Variants in NBEA observed in about 807,000 individuals in gnomAD.
The protein encoded by NBEA is lysosomal-trafficking regulator 2.
NBEA carries 44 observed loss-of-function variants against 343.4 expected under a neutral mutation model. The ratio of observed to expected loss-of-function variants is 0.13; its 90% confidence interval spans 0.10 to 0.16. NBEA has a LOEUF of 0.16. Among genes scored for constraint, NBEA ranks in the 10% least tolerant of loss-of-function variants. NBEA has a pLI of 1.00. For synonymous variants in NBEA, 1,175 were observed against 1,238.7 expected (o/e 0.95, Z 1.08); for missense variants, 2,555 against 3,631.3 (o/e 0.70, Z 7.62).
intron 35 of NBEA, among the ~76,000 whole-genome samples, chr13:35,295,977 A>T (rs1173081994): frequency 3.3e-5 from 5 of 152,164 alleles, no homozygotes; most frequent in African/African-American, 4.8e-5. Flanking sequence ...GCTACCTGTG[A>T]TACATACAAT....
intron 33 of NBEA, among the ~76,000 whole-genome samples, chr13:35,222,513 T>A (rs1208661668): frequency 1.3e-5 from 2 of 152,128 alleles, no homozygotes; most frequent in Non-Finnish European, 2.9e-5. Context: ...CATCTGTACT[T>A]TATTTTCTTT....
At chr13:35,057,200 A>G (rs1047725085) in intron 7 of NBEA, among the ~76,000 whole-genome samples, 8 of 152,100 alleles carry the variant, frequency 5.3e-5, no homozygotes, top group Admixed American at 6.6e-5. Context: ...CTTAAACACA[A>G]TTCATTTCTC....
chr13:35,201,756 C>G lies in NBEA; in HGVS notation c.5366+5454C>G, dbSNP rs372791938. Among the ~76,000 whole-genome samples, 3 of 152,068 alleles carry G rather than the reference C, an allele frequency of 2.0e-5. No homozygotes were observed. In the South Asian group the frequency reaches 6.2e-4, roughly 32 times the overall value. Reference sequence around the variant, plus strand: ...ATGAAATGGGCTTATTATTAGTCCCCCAAAGCAACAGATAGATATTTTCGA... The same window carrying G: ...ATGAAATGGGCTTATTATTAGTCCCGCAAAGCAACAGATAGATATTTTCGA... On this transcript the variant is annotated intron_variant, in intron 31 of 58. Transcript: ENST00000379939.
At chr13:34,946,490 G>T (rs544473205) in intron 1 of NBEA, among the ~76,000 whole-genome samples, 19 of 152,012 alleles carry the variant, frequency 1.2e-4, no homozygotes, top group African/African-American at 3.1e-4. Context: ...CTTAGTGAAA[G>T]AATTCATAAT....
Position 35,352,179 on chromosome 13 carries a change from C to T in NBEA, c.6035C>T (p.Ala2012Val). The T allele has an allele frequency of 1.3e-6, 2 of 1,505,848 alleles. No individual in the cohort carries two copies. Among genetic ancestry groups the T allele is most frequent in the South Asian group, 1.4e-5 (1 of 72,242 alleles). The allele number at this position is 1,505,848 out of a possible 1,614,324, so 93.3% of individuals were successfully genotyped here. ...TAGTCACAGTGTGCCCAATATGCTGCTGATAGAAGAGAGGAAGAAAAGATG... is the reference window on the plus strand; with the variant it reads ...TAGTCACAGTGTGCCCAATATGCTGTTGATAGAAGAGAGGAAGAAAAGATG... The part of the protein sequence containing the change: ...EFESQCAQYA[A>V]DRREEEKMCD... Residue 2012 changes from alanine (A) to valine (V), a missense_variant, in exon 38 of 59, where the codon GCT (alanine) becomes GTT (valine). By Grantham distance (64) the Ala-to-Val change is moderately conservative (BLOSUM62 0). Coordinates refer to ENST00000379939, the MANE Select transcript of NBEA (RefSeq NM_001385012.1).
chr13:35,136,756 T>G (rs2067754053), intron 17 of NBEA, among the ~76,000 whole-genome samples: 1 of 152,194 alleles, frequency 6.6e-6, no homozygotes, highest in Admixed American at 6.5e-5. Flanking sequence ...TGCCAGATTG[T>G]TAAGTATGTA....
At chr13:35,072,636 A>G (rs2063923059) in intron 10 of NBEA, among the ~76,000 whole-genome samples, 1 of 152,054 alleles carries the variant, frequency 6.6e-6, no homozygotes. Flanking sequence ...CTCTTGGCTC[A>G]CTGCAACCTC....
At chr13:35,081,961 C>A (rs926752771) in intron 10 of NBEA, among the ~76,000 whole-genome samples, 2 of 151,954 alleles carry the variant, frequency 1.3e-5, no homozygotes, top group Admixed American at 6.6e-5. Context: ...TACATGTGCA[C>A]AAAGTGCAGG....
chr13:35,426,262 G>A (rs1235449197), intron 38 of NBEA, among the ~76,000 whole-genome samples: 1 of 152,118 alleles, frequency 6.6e-6, no homozygotes, highest in Non-Finnish European at 1.5e-5. Flanking sequence ...TTACAATTTG[G>A]CATGTTTTTG....
chr13:34,995,354 G>A (rs1050224571), intron 1 of NBEA, among the ~76,000 whole-genome samples: 6 of 151,956 alleles, frequency 3.9e-5, no homozygotes, highest in Non-Finnish European at 7.4e-5. Flanking sequence ...CTACTGAGGA[G>A]GCTGAGGCAG....
intron 6 of NBEA, 55 bp from the exon 7 acceptor site, chr13:35,055,955 T>A: frequency 7.1e-7 from 1 of 1,411,098 alleles, no homozygotes; most frequent in East Asian, 2.6e-5. Flanking sequence ...CAATTGCATT[T>A]TAGACTGTAA....
At chr13:35,535,819 T>C (rs1361707072) in intron 41 of NBEA, among the ~76,000 whole-genome samples, 1 of 152,158 alleles carries the variant, frequency 6.6e-6, no homozygotes, top group Non-Finnish European at 1.5e-5. Flanking sequence ...ATATAAAAAA[T>C]TACTTTAGTC....
At chr13:35,542,977 T>C (rs2078904504) in intron 41 of NBEA, among the ~76,000 whole-genome samples, 1 of 152,058 alleles carries the variant, frequency 6.6e-6, no homozygotes, top group South Asian at 2.1e-4. Flanking sequence ...GAGTCTTTTT[T>C]GATCACTATG....
At chr13:35,088,691 G>A (rs1157270334) in intron 10 of NBEA, among the ~76,000 whole-genome samples, 3 of 151,724 alleles carry the variant, frequency 2.0e-5, no homozygotes, top group Non-Finnish European at 2.9e-5. Context: ...AAACAGCATG[G>A]TACCGGTACC....
intron 1 of NBEA, among the ~76,000 whole-genome samples, chr13:35,000,919 C>T (rs1298063571): frequency 1.3e-5 from 2 of 151,528 alleles, no homozygotes; most frequent in African/African-American, 4.8e-5. Flanking sequence ...AAAGAAAAAG[C>T]CTTGAGAAAC....
intron 10 of NBEA, among the ~76,000 whole-genome samples, chr13:35,072,223 T>C (rs892646611): frequency 2.0e-5 from 3 of 152,026 alleles, no homozygotes; most frequent in Admixed American, 2.0e-4. Flanking sequence ...ACTAGAAAAA[T>C]CCATGTATTA....
intron 41 of NBEA, chr13:35,476,733 A>C: frequency 9.4e-7 from 1 of 1,064,818 alleles, no homozygotes; most frequent in Non-Finnish European, 1.2e-6. Flanking sequence ...AGGCAGGGCC[A>C]GGCAGGCGGG....
At chr13:35,384,417 C>A (rs766588021) in intron 38 of NBEA, among the ~76,000 whole-genome samples, 47 of 151,618 alleles carry the variant, frequency 3.1e-4, no homozygotes, top group Middle Eastern at 3.4e-3. Context: ...GTGATTATTT[C>A]TTCAGTGGAT....
intron 40 of NBEA, 56 bp from the exon 41 acceptor site, chr13:35,472,344 G>T (rs1275887299): frequency 3.2e-6 from 5 of 1,564,236 alleles, no homozygotes; most frequent in South Asian, 1.2e-5. Flanking sequence ...CTTTCTGGGA[G>T]GGAGCAGGAA....
Sources: gnomAD v4.1 joint callset for allele counts (sites outside exome capture counted in the v4.1 genomes callset) on GRCh38, gnomAD v4.1.1 for gene constraint, MANE v1.5 for transcripts, NCBI Gene and HGNC (gene_info 2026-07-23, HGNC 2026-07-21) for gene names.